The following SLC14A1 variants were observed in gnomAD, a reference collection of about 807,000 sequenced individuals.
SLC14A1 encodes the protein solute carrier family 14 member 1 (Kidd blood group).
A neutral mutation model predicts 39.6 loss-of-function variants in SLC14A1; 36 were observed. That is an observed-to-expected ratio of 0.91 (90% CI 0.70 to 1.20). The LOEUF (loss-of-function observed/expected upper bound fraction) is 1.20, where lower values mean the gene tolerates loss of function less well. Ranked by LOEUF, SLC14A1 falls within the 50% of genes most tolerant of loss-of-function variation. The pLI is 0.00. For synonymous variants in SLC14A1, 164 were observed against 173.6 expected (o/e 0.94, Z 0.43); for missense variants, 469 against 478.7 (o/e 0.98, Z 0.19).
At chr18:45,742,559 C>T (rs906355956) in intron 8 of SLC14A1, among the ~76,000 whole-genome samples, 11 of 151,916 alleles carry the variant, frequency 7.2e-5, no homozygotes, top group Admixed American at 5.2e-4. Flanking sequence ...GGGGTTTCAC[C>T]ATGTTGGCCA....
intron 8 of SLC14A1, among the ~76,000 whole-genome samples, chr18:45,743,882 T>C (rs1444253442): frequency 6.6e-6 from 1 of 152,182 alleles, no homozygotes; most frequent in Admixed American, 6.5e-5. Context: ...ACTAAAACCA[T>C]TGATACTGTA....
intron 2 of SLC14A1, among the ~76,000 whole-genome samples, chr18:45,728,816 A>G (rs1464426167): frequency 1.3e-5 from 2 of 152,170 alleles, no homozygotes; most frequent in African/African-American, 2.4e-5. Context: ...TCTGGAATGC[A>G]TTGTATAAAA....
intron 9 of SLC14A1, 80 bp from the exon 10 acceptor site, chr18:45,749,698 C>A: frequency 6.5e-7 from 1 of 1,533,648 alleles, no homozygotes; most frequent in Non-Finnish European, 9.0e-7. Context: ...GGGCTGAATG[C>A]AAGTAGAGGG....
At chr18:45,727,510 G>C (rs2046905577) in intron 2 of SLC14A1, 4 of 1,410,472 alleles carry the variant, frequency 2.8e-6, no homozygotes, top group Non-Finnish European at 3.8e-6. Flanking sequence ...CTGGGAAGTG[G>C]GGGTTGGCTG....
At position 45,750,407 on chromosome 18, in the gene SLC14A1, T is replaced by C; in HGVS notation, c.*456T>C. The C allele has an allele frequency of 5.6e-6, 6 of 1,079,620 alleles. No individual in the cohort carries two copies. Among genetic ancestry groups the C allele is most frequent in the Non-Finnish European group, 6.8e-6 (6 of 887,612 alleles). The allele number at this position is 1,079,620 out of a possible 1,614,324, so 66.9% of individuals were successfully genotyped here. A position where few individuals can be genotyped will look rare whatever the true frequency, so the allele number is the denominator to read the frequency against. On this transcript the variant is annotated 3_prime_UTR_variant, in exon 10 of 10. Coordinates refer to ENST00000321925, the MANE Select transcript of SLC14A1 (RefSeq NM_015865.7). ...GAATTCTGTGATAAGCAGCTTGGCT[T>C]TTTTTTTAAATCAATGCAAGTTACA...
chr18:45,730,475 T>G lies in SLC14A1; in HGVS notation c.151+4T>G. On this transcript the variant is annotated splice_donor_region_variant and intron_variant, in intron 3 of 9. Transcript: ENST00000321925. ...GAACTTGCCAACCAGCTTAAAGGTA[T>G]TTATCCTTTCACATTTTGGAGAGAC... The G allele has an allele frequency of 6.2e-7, 1 of 1,614,126 alleles. No individual in the cohort carries two copies. Among genetic ancestry groups the G allele is most frequent in the South Asian group, 1.1e-5 (1 of 91,072 alleles).
At chr18:45,746,194 A>C (rs918245179) in intron 8 of SLC14A1, among the ~76,000 whole-genome samples, 4 of 152,224 alleles carry the variant, frequency 2.6e-5, no homozygotes, top group African/African-American at 9.6e-5. Flanking sequence ...GTGGCAGTCC[A>C]TTGGAAGGGA....
intron 2 of SLC14A1, chr18:45,727,335 C>T (rs370154382): frequency 7.1e-6 from 11 of 1,551,462 alleles, no homozygotes; most frequent in African/African-American, 2.7e-5. Flanking sequence ...TTGGAAGGAC[C>T]CTTTTGGAAC....
intron 2 of SLC14A1, 115 bp from the exon 3 acceptor site, chr18:45,730,185 C>T: frequency 8.8e-7 from 1 of 1,139,026 alleles, no homozygotes; most frequent in Non-Finnish European, 1.2e-6. Context: ...AAATGGTGCT[C>T]TCTTAGTTCT....
intron 2 of SLC14A1, among the ~76,000 whole-genome samples, chr18:45,728,384 CTT>C (rs1190097008): frequency 6.6e-6 from 1 of 152,138 alleles, no homozygotes; most frequent in Non-Finnish European, 1.5e-5. Flanking sequence ...GAAAATGCCA[CTT>C]GAGTGTTTTC....
At position 45,727,175 on chromosome 18, in the gene SLC14A1, C is replaced by G. The variant is rs2046887521; in HGVS notation, c.-22+2162C>G. 1.2e-5 allele frequency: 16 copies of G among 1,323,592 alleles called. No individual in the cohort carries two copies. The South Asian group carries it at 2.0e-4, about 17-fold the overall frequency. 82.0% of individuals were successfully genotyped at this position (1,323,592 alleles called of 1,614,324 possible). On this transcript the variant is annotated intron_variant, in intron 2 of 9. Transcript: ENST00000321925. ...GAACCCAGTGGGCGCGCTCCAGCCC[C>G]CCTCAGCTTGCCTTTTGCGTGGTCA...
intron 6 of SLC14A1, among the ~76,000 whole-genome samples, chr18:45,737,119 C>A (rs980966638): frequency 6.6e-6 from 1 of 152,198 alleles, no homozygotes; most frequent in Non-Finnish European, 1.5e-5. Flanking sequence ...ATTTAGGGTT[C>A]CCAAGCTTTG....
rs2047014507 is a variant in SLC14A1, at chr18:45,731,043, C to T, written c.180C>T (p.Asp60=). The T allele has an allele frequency of 6.2e-7, 1 of 1,614,206 alleles. No individual in the cohort carries two copies. Among genetic ancestry groups the T allele is most frequent in the African/African-American group, 1.3e-5 (1 of 75,066 alleles). Residue 60 remains aspartate (D), a synonymous_variant, in exon 4 of 10, where the codon GAC becomes GAT. Transcript: ENST00000321925. ...KDKPVVLQFI[D]WILRGISQVV... ...AACCCGTGGTGCTCCAGTTCATTGA[C>T]TGGATTCTCCGGGGCATATCCCAAG...
intron 6 of SLC14A1, 130 bp from the exon 7 acceptor site, chr18:45,739,033 G>A (rs1388907267): frequency 2.1e-6 from 2 of 966,956 alleles, no homozygotes; most frequent in Non-Finnish European, 3.4e-6. Flanking sequence ...ATTTTAAATG[G>A]TATTAACACT....
At chr18:45,735,144 C>T (rs887509639) in intron 5 of SLC14A1, among the ~76,000 whole-genome samples, 2 of 152,128 alleles carry the variant, frequency 1.3e-5, no homozygotes, top group Non-Finnish European at 2.9e-5. Flanking sequence ...CATTGGTCTG[C>T]GGTAGCGCCT....
At chr18:45,740,416 AGGGG>A (rs1438352198) in intron 8 of SLC14A1, among the ~76,000 whole-genome samples, 1 of 152,082 alleles carries the variant, frequency 6.6e-6, no homozygotes, top group African/African-American at 2.4e-5. Flanking sequence ...GTCAGAGATA[AGGGG>A]AAGAATATTT....
intron 4 of SLC14A1, among the ~76,000 whole-genome samples, chr18:45,732,430 GTC>G (rs1489477702): frequency 2.6e-5 from 4 of 152,336 alleles, no homozygotes; most frequent in South Asian, 2.1e-4. Flanking sequence ...TGTAGTCCCA[GTC>G]TCTGAGTTGT....
chr18:45,739,011 CAA>C (rs2047278079), intron 6 of SLC14A1, 150 bp from the exon 7 acceptor site: 1 of 869,500 alleles, frequency 1.2e-6, no homozygotes, highest in Non-Finnish European at 1.9e-6. Context: ...TTTCTGTAAT[CAA>C]AGAGAGAGAA....
intron 2 of SLC14A1, chr18:45,729,518 G>A (rs2046966684): frequency 1.3e-5 from 2 of 152,192 alleles, no homozygotes; most frequent in Admixed American, 1.3e-4. Context: ...ATTATGCCCT[G>A]CACATTTTTC....
Sources: gnomAD v4.1 joint callset for allele counts (sites outside exome capture counted in the v4.1 genomes callset) on GRCh38, gnomAD v4.1.1 for gene constraint, MANE v1.5 for transcripts, NCBI Gene and HGNC (gene_info 2026-07-23, HGNC 2026-07-21) for gene names.